Variants in SCAPER observed in about 807,000 individuals in gnomAD.
SCAPER encodes the protein S-phase cyclin A associated protein in the ER.
SCAPER carries 98 observed loss-of-function variants against 182.2 expected under a neutral mutation model. The ratio of observed to expected loss-of-function variants is 0.54; its 90% CI spans 0.46 to 0.64. The LOEUF is 0.64. SCAPER is among the 30% of genes least tolerant of loss of function. The probability of loss-of-function intolerance (pLI) is 0.00; values close to 1 mark genes in which losing one functional copy is unlikely to be tolerated. For synonymous variants in SCAPER, 605 were observed against 564.6 expected (o/e 1.07, Z -1.01); for missense variants, 1,432 against 1,690.0 (o/e 0.85, Z 2.68).
At chr15:76,413,356 C>T (rs558203986) in intron 26 of SCAPER, among the ~76,000 whole-genome samples, 10 of 152,204 alleles carry the variant, frequency 6.6e-5, no homozygotes, top group African/African-American at 2.4e-4. Flanking sequence ...CTGTTTTTCC[C>T]GTCTATTCCT....
At chr15:76,569,182 ATT>A (rs2047262302) in intron 23 of SCAPER, among the ~76,000 whole-genome samples, 1 of 152,042 alleles carries the variant, frequency 6.6e-6, no homozygotes. Flanking sequence ...TTTTGCTATA[ATT>A]TTTTTGGTAG....
At chr15:76,414,201 T>G (rs920711610) in intron 26 of SCAPER, among the ~76,000 whole-genome samples, 2 of 152,128 alleles carry the variant, frequency 1.3e-5, no homozygotes, top group African/African-American at 4.8e-5. Context: ...TTCCCTCCTC[T>G]CCCTTGAGAG....
intron 24 of SCAPER, among the ~76,000 whole-genome samples, chr15:76,475,953 C>G (rs2050592917): frequency 6.6e-6 from 1 of 152,160 alleles, no homozygotes; most frequent in South Asian, 2.1e-4. Context: ...TGTCCCCCAG[C>G]CTCATCTTAG....
chr15:76,393,774 T>C (rs1288985335), intron 27 of SCAPER, among the ~76,000 whole-genome samples: 1 of 152,240 alleles, frequency 6.6e-6, no homozygotes, highest in African/African-American at 2.4e-5. Flanking sequence ...GGTTTCTAGC[T>C]GCTCTCTCAC....
intron 30 of SCAPER, among the ~76,000 whole-genome samples, chr15:76,353,337 G>A (rs12324558): frequency 0.011 from 1,621 of 152,188 alleles, 37 homozygotes; most frequent in African/African-American, 0.037. Flanking sequence ...CACAGGATGA[G>A]TTAGTTAGTA....
chr15:76,500,205 C>A, intron 24 of SCAPER, among the ~76,000 whole-genome samples: 1 of 152,146 alleles, frequency 6.6e-6, no homozygotes, highest in African/African-American at 2.4e-5. Context: ...ATGCTGTCTG[C>A]TTTGCTTTGT....
chr15:76,544,835 G>A (rs914723987), intron 23 of SCAPER, among the ~76,000 whole-genome samples: 8 of 152,052 alleles, frequency 5.3e-5, no homozygotes, highest in African/African-American at 1.9e-4. Context: ...ATCTCTTTAA[G>A]GTTGATATAT....
At chr15:76,513,788 A>G (rs892726024) in intron 23 of SCAPER, among the ~76,000 whole-genome samples, 1 of 152,216 alleles carries the variant, frequency 6.6e-6, no homozygotes, top group African/African-American at 2.4e-5. Context: ...ATCCTTAACC[A>G]TAATTATCTT....
At chr15:76,417,818 G>C (rs1366110058) in intron 26 of SCAPER, among the ~76,000 whole-genome samples, 1 of 152,156 alleles carries the variant, frequency 6.6e-6, no homozygotes, top group Admixed American at 6.5e-5. Context: ...AAGAGATCGA[G>C]GCCATCCTGG....
rs2040802330 is a variant in SCAPER at position 76,354,223 on chromosome 15, A to G, written c.3856-83T>C. 7 of 1,259,432 alleles carry G rather than the reference A, an allele frequency of 5.6e-6. No individual in the cohort carries two copies. The highest frequency in any genetic ancestry group is 7.6e-6 in the Non-Finnish European group (7 of 923,330). The allele number at this position is 1,259,432 out of a possible 1,614,324, so 78.0% of individuals were successfully genotyped here. On this transcript the variant is annotated intron_variant, in intron 29 of 31. Transcript: ENST00000563290. The surrounding 1 kb of genome is among the most constrained non-coding windows in gnomAD (Gnocchi z 4.4). The stretch of plus-strand genomic sequence containing the variant: ...CACCTGCACAGTGTCGGCTAGTACC[A>G]TGGAAAACATGCTGAAGGAGTGTAA...
intron 1 of SCAPER, 37 bp downstream of exon 1, chr15:76,905,262 C>A: frequency 4.7e-6 from 1 of 211,058 alleles, no homozygotes; most frequent in South Asian, 4.5e-5. Context: ...CGGACCCGCC[C>A]GGGTCTGCGC....
In SCAPER at chr15:76,597,201, C is replaced by T. The variant is rs1172545717; in HGVS notation, c.2712-22917G>A. On this transcript the variant is annotated intron_variant, in intron 22 of 31. Coordinates refer to ENST00000563290, the MANE Select transcript of SCAPER (RefSeq NM_020843.4). Reference sequence around the variant, plus strand: ...GTCAAATCATGAGTGAACTCCCATTCACAATTGCTACAAAGAGAATAAAAT... The same window carrying T: ...GTCAAATCATGAGTGAACTCCCATTTACAATTGCTACAAAGAGAATAAAAT... 3.3e-5 allele frequency among the ~76,000 whole-genome samples: 4 copies of T among 121,896 alleles called. 2 individuals are homozygous for T. The highest frequency in any genetic ancestry group is 8.0e-5 in the Non-Finnish European group (4 of 50,168). The allele number at this position is 121,896 out of a possible 152,430, so 80.0% of individuals were successfully genotyped here.
intron 29 of SCAPER, among the ~76,000 whole-genome samples, chr15:76,372,503 G>A (rs2042250523): frequency 1.3e-5 from 2 of 152,180 alleles, no homozygotes; most frequent in African/African-American, 2.4e-5. Context: ...TAAAGGAGAG[G>A]ATTAGTCTGT....
rs757511939 is a variant in SCAPER, at chr15:76,895,141, G to A, written c.-60+10158C>T. Among the ~76,000 whole-genome samples, 16 of 152,044 alleles carry A rather than the reference G, an allele frequency of 1.1e-4. 1 individual carries two copies. Among genetic ancestry groups the A allele is most frequent in the African/African-American group, 3.6e-4 (15 of 41,466 alleles). On this transcript the variant is annotated intron_variant, in intron 1 of 31. Coordinates refer to ENST00000563290, the MANE Select transcript of SCAPER (RefSeq NM_020843.4). ...ATTCAAAAATCCTCCATAAAATACC[G>A]GCAAACCAAATCCAACAGCTTATTG...
chr15:76,593,438 C>A (rs1022287249), intron 22 of SCAPER, among the ~76,000 whole-genome samples: 3 of 121,280 alleles, frequency 2.5e-5, no homozygotes, highest in African/African-American at 7.5e-5. Flanking sequence ...CTGAAGAGAG[C>A]AGCGGATCTC....
chr15:76,825,408 G>A (rs1247447200), intron 5 of SCAPER, among the ~76,000 whole-genome samples: 3 of 152,028 alleles, frequency 2.0e-5, no homozygotes, highest in Non-Finnish European at 2.9e-5. Context: ...CTCCTCCTAC[G>A]GGCCGTATCA....
rs539554669 is a variant in SCAPER at position 76,623,081 on chromosome 15, C to T, written c.2646-1252G>A. On this transcript the variant is annotated intron_variant, in intron 21 of 31. Transcript: ENST00000563290. ...GAAGTGTCTGTTCATGTCCTTTGCC[C>T]ACCTTTTAATGGCTTTATTTGGTTT... Among the ~76,000 whole-genome samples, 35 of 152,294 alleles carry T rather than the reference C, an allele frequency of 2.3e-4. No homozygotes were observed. The South Asian group carries it at 6.0e-3, about 26-fold the overall frequency.
At chr15:76,554,171 A>G (rs1269909081) in intron 23 of SCAPER, among the ~76,000 whole-genome samples, 3 of 152,254 alleles carry the variant, frequency 2.0e-5, no homozygotes, top group Non-Finnish European at 4.4e-5. Flanking sequence ...ATACACTACA[A>G]GAATTTCATA....
intron 22 of SCAPER, among the ~76,000 whole-genome samples, chr15:76,620,671 T>C (rs1252379943): frequency 6.6e-6 from 1 of 152,222 alleles, no homozygotes; most frequent in Admixed American, 6.5e-5. Flanking sequence ...ATTCCTCAAC[T>C]TGGGGCACTT....
Sources: allele counts gnomAD v4.1 joint callset (sites outside exome capture counted in the v4.1 genomes callset), GRCh38; gene constraint gnomAD v4.1.1; non-coding constraint Gnocchi (gnomAD v3.1); transcripts MANE v1.5; gene names NCBI Gene and HGNC (gene_info 2026-07-23, HGNC 2026-07-21).